Variants in TTC27 observed in about 807,000 individuals in gnomAD.
TTC27 encodes tetratricopeptide repeat domain 27, also known as tetratricopeptide repeat protein 27.
A neutral mutation model predicts 115.9 loss-of-function variants in TTC27; 79 were observed. That is an observed-to-expected ratio of 0.68 (90% CI 0.57 to 0.82). The LOEUF (loss-of-function observed/expected upper bound fraction) is 0.82. Among genes scored for constraint, TTC27 ranks in the 40% least tolerant of loss-of-function variants. TTC27 has a pLI of 0.00. For missense variants in TTC27, 1,054 were observed against 993.1 expected (o/e 1.06, Z -0.82); for synonymous variants, 401 against 356.0 (o/e 1.13, Z -1.42).
At chr2:32,740,453 C>CTTT (rs3834121) in intron 12 of TTC27, among the ~76,000 whole-genome samples, 1 of 145,386 alleles carries the variant, frequency 6.9e-6, no homozygotes, top group African/African-American at 2.5e-5. Context: ...GTTTTGGGGG[C>CTTT]TTTTTTTTTT....
chr2:32,631,985 A>T (rs1664235226), intron 2 of TTC27, among the ~76,000 whole-genome samples: 1 of 150,820 alleles, frequency 6.6e-6, no homozygotes, highest in Non-Finnish European at 1.5e-5. Flanking sequence ...TTTTTTTTGT[A>T]TGTTTAGTAG....
chr2:32,747,870 C>T (rs1668881963), intron 12 of TTC27, among the ~76,000 whole-genome samples: 1 of 151,980 alleles, frequency 6.6e-6, no homozygotes, highest in Non-Finnish European at 1.5e-5. Flanking sequence ...AGTAATGTCT[C>T]CTTTTCTTTC....
At chr2:32,673,826 C>A in intron 8 of TTC27, among the ~76,000 whole-genome samples, 1 of 151,920 alleles carries the variant, frequency 6.6e-6, no homozygotes, top group East Asian at 2.0e-4. Flanking sequence ...GAAATCCTGT[C>A]TCTACTAAAA....
chr2:32,760,889 C>A lies in TTC27; in HGVS notation c.1680+2370C>A, dbSNP rs1418776804. On this transcript the variant is annotated intron_variant, in intron 13 of 19. Coordinates refer to ENST00000317907, the MANE Select transcript of TTC27 (RefSeq NM_017735.5). ...CCTTCTGCCTCGCTGGCAGCTCCTTCTCAGGCTCCCTTGCTGGTTCCTAGG... is the reference window on the plus strand; with the variant it reads ...CCTTCTGCCTCGCTGGCAGCTCCTTATCAGGCTCCCTTGCTGGTTCCTAGG... 5.9e-5 allele frequency among the ~76,000 whole-genome samples: 9 copies of A among 152,288 alleles called. No individual in the cohort carries two copies. The East Asian group carries it at 1.7e-3, about 29-fold the overall frequency.
At chr2:32,679,763 C>T (rs1666351544) in intron 9 of TTC27, among the ~76,000 whole-genome samples, 1 of 152,112 alleles carries the variant, frequency 6.6e-6, no homozygotes, top group Non-Finnish European at 1.5e-5. Context: ...GAGGCCGAGG[C>T]AGGTGGATCA....
chr2:32,714,404 T>C (rs982327405), intron 10 of TTC27, among the ~76,000 whole-genome samples: 13 of 152,026 alleles, frequency 8.6e-5, no homozygotes, highest in African/African-American at 2.9e-4. Context: ...GTGATCTGCT[T>C]ACCTCGGCCT....
intron 17 of TTC27, among the ~76,000 whole-genome samples, chr2:32,811,533 C>T (rs1416805610): frequency 4.6e-5 from 7 of 152,260 alleles, no homozygotes; most frequent in Non-Finnish European, 1.0e-4. Context: ...ACTCCATACC[C>T]CTTTCTGCAG....
chr2:32,754,944 G>C (rs1669164722), intron 12 of TTC27, among the ~76,000 whole-genome samples: 1 of 151,922 alleles, frequency 6.6e-6, no homozygotes, highest in African/African-American at 2.4e-5. Context: ...TCCCAGACGG[G>C]GCGGCTGCTG....
intron 9 of TTC27, 90 bp from the exon 10 acceptor site, chr2:32,702,717 A>G (rs1667228893): frequency 2.4e-6 from 2 of 835,626 alleles, no homozygotes; most frequent in East Asian, 2.5e-5. Context: ...CTGTACCCTG[A>G]TATTTTGGAA....
chr2:32,767,153 C>G (rs984511702), intron 13 of TTC27, among the ~76,000 whole-genome samples: 1 of 152,072 alleles, frequency 6.6e-6, no homozygotes, highest in Non-Finnish European at 1.5e-5. Context: ...GTATATTTGT[C>G]TAAGAAATAG....
chr2:32,686,963 G>A, intron 9 of TTC27, among the ~76,000 whole-genome samples: 1 of 152,120 alleles, frequency 6.6e-6, no homozygotes, highest in East Asian at 1.9e-4. Flanking sequence ...CTGTGCCTCA[G>A]CCTCCCGAGT....
In TTC27 at chr2:32,777,866, C is replaced by A. The variant is rs138620919; in HGVS notation, c.1681-16C>A. 68 of 1,612,652 alleles carry A rather than the reference C, an allele frequency of 4.2e-5. 1 individual carries two copies. The East Asian group carries it at 1.2e-3, about 29-fold the overall frequency. ...TTTCTGTGTGTTTGAATGACTTTGA[C>A]TTTTGGTCTTTGCAGCTCGGGGTGT... On this transcript the variant is annotated splice_polypyrimidine_tract_variant and intron_variant, in intron 13 of 19. Coordinates refer to ENST00000317907, the MANE Select transcript of TTC27 (RefSeq NM_017735.5).
At chr2:32,756,646 C>A (rs962093622) in intron 12 of TTC27, among the ~76,000 whole-genome samples, 1 of 152,086 alleles carries the variant, frequency 6.6e-6, no homozygotes, top group African/African-American at 2.4e-5. Flanking sequence ...ATATGCCCAA[C>A]CTAAAGAAAA....
chr2:32,650,346 G>A, intron 5 of TTC27, 113 bp downstream of exon 5: 1 of 307,586 alleles, frequency 3.3e-6, no homozygotes. Flanking sequence ...TTCGTTTTGA[G>A]TTGTTTCTTT....
chr2:32,776,428 T>A (rs1293951750), intron 13 of TTC27, among the ~76,000 whole-genome samples: 2 of 152,170 alleles, frequency 1.3e-5, no homozygotes, highest in African/African-American at 2.4e-5. Flanking sequence ...TTTTCTTTCC[T>A]AACCTAAACT....
chr2:32,633,179 T>C (rs886511434), intron 2 of TTC27, among the ~76,000 whole-genome samples: 3 of 152,174 alleles, frequency 2.0e-5, no homozygotes, highest in African/African-American at 2.4e-5. Context: ...GAAAAACTTA[T>C]AGATGTCTGA....
chr2:32,628,482 A>G (rs1198321417), intron 1 of TTC27, 102 bp downstream of exon 1: 4 of 1,158,332 alleles, frequency 3.5e-6, no homozygotes, highest in Non-Finnish European at 4.7e-6. Context: ...TCCCTAACAC[A>G]GTCTAGCTGA....
At chr2:32,635,841 C>T (rs562487499) in intron 3 of TTC27, among the ~76,000 whole-genome samples, 6 of 152,126 alleles carry the variant, frequency 3.9e-5, no homozygotes, top group Admixed American at 1.3e-4. Context: ...TGCATATCAG[C>T]TTAGTGAGTC....
intron 16 of TTC27, among the ~76,000 whole-genome samples, chr2:32,804,145 G>C (rs1449923278): frequency 2.0e-5 from 3 of 152,002 alleles, no homozygotes; most frequent in Admixed American, 6.5e-5. Context: ...CAGAATAATA[G>C]CTGTATATAC....
Sources: gnomAD v4.1 joint callset for allele counts (sites outside exome capture counted in the v4.1 genomes callset) on GRCh38, gnomAD v4.1.1 for gene constraint, MANE v1.5 for transcripts, NCBI Gene and HGNC (gene_info 2026-07-23, HGNC 2026-07-21) for gene names.